Variants in PRKD1 observed in about 807,000 individuals in gnomAD.
PRKD1 encodes the protein protein kinase D1, also known as serine/threonine-protein kinase D1.
Under a neutral mutation model 95.9 loss-of-function variants are expected in PRKD1, and 63 were observed. The observed-to-expected ratio is 0.66, with a 90% confidence interval of 0.54 to 0.81. The LOEUF (loss-of-function observed/expected upper bound fraction) is 0.81, where lower values mean the gene tolerates loss of function less well. Ranked by LOEUF, PRKD1 falls within the 30% of genes least tolerant of loss-of-function variation. The pLI is 0.00. For synonymous variants in PRKD1, 425 were observed against 423.1 expected, an observed-to-expected ratio of 1.00 and a Z score of -0.05; for missense variants, 1,048 against 1,165.3, an observed-to-expected ratio of 0.90 and a Z score of 1.47.
chr14:29,679,310 G>T (rs537901629), intron 2 of PRKD1, among the ~76,000 whole-genome samples: 1 of 152,100 alleles, frequency 6.6e-6, no homozygotes, highest in Non-Finnish European at 1.5e-5. Flanking sequence ...TTTGCCTGTG[G>T]GTTTTTACAT....
chr14:29,748,712 G>T (rs772815809), intron 1 of PRKD1, among the ~76,000 whole-genome samples: 1 of 152,028 alleles, frequency 6.6e-6, no homozygotes, highest in Non-Finnish European at 1.5e-5. Flanking sequence ...CACATAATAG[G>T]TATTCAGTAA....
intron 2 of PRKD1, among the ~76,000 whole-genome samples, chr14:29,714,896 G>A (rs1397672454): frequency 6.6e-6 from 1 of 152,076 alleles, no homozygotes; most frequent in African/African-American, 2.4e-5. Flanking sequence ...CTCATAAGTG[G>A]GAGTTGAACA....
intron 1 of PRKD1, among the ~76,000 whole-genome samples, chr14:29,870,797 CAGAGA>C: frequency 6.6e-6 from 1 of 152,040 alleles, no homozygotes; most frequent in Non-Finnish European, 1.5e-5. Context: ...ATTTATGACT[CAGAGA>C]TCATGTTTAT....
rs565356837 is a variant in PRKD1, at chr14:29,596,564, C to T, written c.2434+927G>A. ...CACCTCCCTGGTTCAAGCGCTTCTC[C>T]TGCCTCAGCCTCCTGAGTAGCAGGG... On this transcript the variant is annotated intron_variant, in intron 16 of 17. Transcript: ENST00000331968. Among the ~76,000 whole-genome samples the T allele has an allele frequency of 4.6e-5, 7 of 152,290 alleles. No homozygotes were observed. The South Asian group carries it at 1.4e-3, about 32-fold the overall frequency.
chr14:29,719,500 A>G (rs1885781821), intron 2 of PRKD1, among the ~76,000 whole-genome samples: 1 of 152,110 alleles, frequency 6.6e-6, no homozygotes. Flanking sequence ...GTCCTCAACT[A>G]TTTCTGTTTA....
chr14:29,843,372 C>A (rs1891943937), intron 1 of PRKD1, among the ~76,000 whole-genome samples: 1 of 152,062 alleles, frequency 6.6e-6, no homozygotes, highest in Non-Finnish European at 1.5e-5. Flanking sequence ...TTCTGTGGGA[C>A]TTTTTTATGG....
chr14:29,640,784 T>C (rs546428005), intron 4 of PRKD1, among the ~76,000 whole-genome samples: 38 of 152,304 alleles, frequency 2.5e-4, no homozygotes, highest in Admixed American at 5.9e-4. Flanking sequence ...ATGTCACACT[T>C]TGTTAGCAGA....
At chr14:29,840,807 C>G (rs1475313903) in intron 1 of PRKD1, among the ~76,000 whole-genome samples, 1 of 152,180 alleles carries the variant, frequency 6.6e-6, no homozygotes, top group Non-Finnish European at 1.5e-5. Flanking sequence ...GACCCACTCA[C>G]TATGACGAGA....
chr14:29,711,212 T>C (rs1376682001), intron 2 of PRKD1, among the ~76,000 whole-genome samples: 1 of 152,152 alleles, frequency 6.6e-6, no homozygotes, highest in East Asian at 1.9e-4. Flanking sequence ...TTCATTAAAA[T>C]TTTATAACAA....
intron 1 of PRKD1, among the ~76,000 whole-genome samples, chr14:29,789,483 G>C (rs1293048756): frequency 1.3e-5 from 2 of 152,166 alleles, no homozygotes; most frequent in East Asian, 3.9e-4. Flanking sequence ...GGTATAGTGT[G>C]TTTATAATTT....
At chr14:29,617,276 T>G (rs890084074) in intron 13 of PRKD1, among the ~76,000 whole-genome samples, 1 of 152,206 alleles carries the variant, frequency 6.6e-6, no homozygotes, top group African/African-American at 2.4e-5. Context: ...CTCTAACTTT[T>G]AGCCTCAACT....
intron 1 of PRKD1, among the ~76,000 whole-genome samples, chr14:29,735,724 A>T (rs903547601): frequency 6.6e-6 from 1 of 151,974 alleles, no homozygotes; most frequent in African/African-American, 2.4e-5. Flanking sequence ...TTCTTCAAGA[A>T]CCCCTCTATA....
At chr14:29,738,018 G>A (rs1279035370) in intron 1 of PRKD1, among the ~76,000 whole-genome samples, 1 of 152,108 alleles carries the variant, frequency 6.6e-6, no homozygotes, top group Non-Finnish European at 1.5e-5. Context: ...TGTATGGGGT[G>A]GTTTAAGCCC....
chr14:29,599,783 C>T lies in PRKD1; in HGVS notation c.1940G>A (p.Cys647Tyr). 6.2e-7 allele frequency: 1 copy of T among 1,612,828 alleles called. No homozygotes were observed. The highest frequency in any genetic ancestry group is 8.5e-7 in the Non-Finnish European group (1 of 1,179,510). Residue 647 changes from cysteine (C) to tyrosine (Y), a missense_variant, in exon 14 of 18, where the codon TGT (cysteine) becomes TAT (tyrosine). Physicochemically the swap from Cys to Tyr is radical, Grantham distance 194. Around this residue, in one of 3 missense-constraint regions of PRKD1, gnomAD observed 739 missense variants for 861.9 expected, o/e 0.86. Transcript: ENST00000331968. The stretch of plus-strand genomic sequence containing the variant: ...CACTCTTTCAGGCGTCTCAAACATA[C>T]ACTCCAAATTTACAACACCAGGGTG... The part of the protein sequence containing the change: ...LHHPGVVNLE[C>Y]MFETPERVFV...
intron 1 of PRKD1, among the ~76,000 whole-genome samples, chr14:29,882,247 A>ATGTCCATG (rs1893539518): frequency 6.6e-6 from 1 of 152,244 alleles, no homozygotes; most frequent in South Asian, 2.1e-4. Flanking sequence ...ATAATTTATC[A>ATGTCCATG]TGTCCATGTT....
At chr14:29,876,906 C>T (rs540798818) in intron 1 of PRKD1, among the ~76,000 whole-genome samples, 5 of 152,218 alleles carry the variant, frequency 3.3e-5, no homozygotes, top group East Asian at 1.9e-4. Context: ...AATCCTAGCA[C>T]GTTGGGAGGC....
chr14:29,630,068 C>T (rs61977972), intron 10 of PRKD1, among the ~76,000 whole-genome samples: 46,706 of 148,212 alleles, frequency 0.32, 8,655 homozygotes, highest in African/African-American at 0.51. Flanking sequence ...TCTTTCTCTT[C>T]CTCTTCCTCT....
intron 13 of PRKD1, among the ~76,000 whole-genome samples, chr14:29,604,404 C>T (rs114587766): frequency 1.9e-3 from 293 of 152,182 alleles, no homozygotes; most frequent in African/African-American, 6.7e-3. Flanking sequence ...ATATGGGGAC[C>T]TCTGACTAAT....
chr14:29,820,472 G>A (rs184713293), intron 1 of PRKD1, among the ~76,000 whole-genome samples: 223 of 152,316 alleles, frequency 1.5e-3, no homozygotes, highest in African/African-American at 4.9e-3. Context: ...TTTACTCCGT[G>A]TCAGAGAAAA....
Sources: gnomAD v4.1 joint callset for allele counts (sites outside exome capture counted in the v4.1 genomes callset) on GRCh38, gnomAD v4.1.1 for gene constraint, gnomAD v4.1.1 regional missense constraint, MANE v1.5 for transcripts, NCBI Gene and HGNC (gene_info 2026-07-23, HGNC 2026-07-21) for gene names.